The following PARD3B variants were observed in gnomAD, a reference collection of about 807,000 sequenced individuals.
PARD3B encodes par-3 family cell polarity regulator beta, also known as partitioning defective 3 homolog B.
PARD3B carries 103 observed loss-of-function variants against 130.2 expected under a neutral mutation model. The observed-to-expected ratio is 0.79, with a 90% confidence interval of 0.67 to 0.93. The LOEUF (loss-of-function observed/expected upper bound fraction) is 0.93. PARD3B is among the 40% of genes least tolerant of loss of function. The pLI, the probability that PARD3B is intolerant of heterozygous loss-of-function variation, is 0.00. For synonymous variants in PARD3B, 583 were observed against 553.2 expected (o/e 1.05, Z -0.76); for missense variants, 1,609 against 1,499.2 (o/e 1.07, Z -1.21).
intron 3 of PARD3B, among the ~76,000 whole-genome samples, chr2:205,031,210 T>C (rs1181189127): frequency 6.6e-6 from 1 of 152,184 alleles, no homozygotes; most frequent in African/African-American, 2.4e-5. Context: ...CTATTTCATT[T>C]TGAGACCCAC....
rs12465863 is a variant in PARD3B at position 205,142,848 on chromosome 2, A to G, written c.1435-15874A>G. Among the ~76,000 whole-genome samples, 44,829 of 151,924 alleles carry G rather than the reference A, an allele frequency of 0.3. 7,671 individuals carry two copies. Among genetic ancestry groups the G allele is most frequent in the Admixed American group, 0.46 (6,989 of 15,258 alleles). ...AGCCGAGATCACGCCATTGCACTCC[A>G]GCCTGGGTGACAGGATGAGACTTCG... On this transcript the variant is annotated intron_variant, in intron 10 of 22. Transcript: ENST00000406610. This position sits in a 1 kb window ranked among gnomAD's most constrained non-coding sequence, Gnocchi z 4.3.
At chr2:204,990,705 T>G (rs983938702) in intron 3 of PARD3B, among the ~76,000 whole-genome samples, 6 of 152,156 alleles carry the variant, frequency 3.9e-5, no homozygotes, top group Non-Finnish European at 8.8e-5. Context: ...TCCTGTATGT[T>G]TTTTGATGAC....
At chr2:204,909,575 G>T (rs186872404) in intron 2 of PARD3B, among the ~76,000 whole-genome samples, 10 of 152,226 alleles carry the variant, frequency 6.6e-5, no homozygotes, top group Admixed American at 2.0e-4. Flanking sequence ...TCTTAGCTCT[G>T]TGAACCTAAA....
At chr2:204,662,966 C>G (rs2035878861) in intron 1 of PARD3B, among the ~76,000 whole-genome samples, 1 of 152,160 alleles carries the variant, frequency 6.6e-6, no homozygotes, top group Admixed American at 6.5e-5. Context: ...TTTGCATTAT[C>G]AGATTTACTC....
At chr2:204,809,106 A>T (rs918326722) in intron 2 of PARD3B, among the ~76,000 whole-genome samples, 10 of 150,412 alleles carry the variant, frequency 6.6e-5, no homozygotes, top group African/African-American at 2.2e-4. Context: ...TCCTTTGCCC[A>T]CTTTTAATGG....
intron 19 of PARD3B, among the ~76,000 whole-genome samples, chr2:205,428,629 A>G (rs920946999): frequency 6.6e-6 from 1 of 152,154 alleles, no homozygotes; most frequent in Non-Finnish European, 1.5e-5. Context: ...TAATATTGAT[A>G]TTATCATTTT....
chr2:205,071,671 A>T lies in PARD3B; in HGVS notation c.504+23981A>T, dbSNP rs1409172305. Among the ~76,000 whole-genome samples, 3 of 152,238 alleles carry T rather than the reference A, an allele frequency of 2.0e-5. No individual in the cohort carries two copies. The South Asian group carries it at 6.2e-4, about 32-fold the overall frequency. ...CAAAAGATGTACCATCAAAGCATTA[A>T]CATGTAAAGTCATTTGAAATAAGAA... is the stretch of plus-strand genomic sequence containing the variant. On this transcript the variant is annotated intron_variant, in intron 4 of 22. Coordinates refer to ENST00000406610, the MANE Select transcript of PARD3B (RefSeq NM_001302769.2).
At position 205,550,955 on chromosome 2, in the gene PARD3B, G is replaced by GTGTGTGTATATATATATA. The variant is rs796567936; in HGVS notation, c.3181-2368_3181-2367insGTGTGTATATATATATAT. ...TGTGTGTGTGTGTATATATATATGT[G>GTGTGTGTATATATATATA]TATATATATATATATATATATACAC... is the stretch of plus-strand genomic sequence containing the variant. On this transcript the variant is annotated intron_variant, in intron 21 of 22. Transcript: ENST00000406610. The surrounding 1 kb of genome is among the most constrained non-coding windows in gnomAD (Gnocchi z 4.5). 1.4e-3 allele frequency among the ~76,000 whole-genome samples: 131 copies of GTGTGTGTATATATATATA among 94,076 alleles called. No homozygotes were observed. The highest frequency in any genetic ancestry group is 3.4e-3 in the African/African-American group (88 of 26,130). 61.7% of individuals were successfully genotyped at this position (94,076 alleles called of 152,430 possible).
At chr2:204,915,107 T>C (rs1559254796) in intron 2 of PARD3B, among the ~76,000 whole-genome samples, 1 of 152,144 alleles carries the variant, frequency 6.6e-6, no homozygotes, top group Non-Finnish European at 1.5e-5. Flanking sequence ...TCTAAGAGGA[T>C]GGTCTGGGGA....
At chr2:204,793,390 C>T (rs761035530) in intron 2 of PARD3B, among the ~76,000 whole-genome samples, 7 of 152,086 alleles carry the variant, frequency 4.6e-5, no homozygotes, top group East Asian at 1.9e-4. Flanking sequence ...GTTTTTCAGT[C>T]GTAATATAAA....
At chr2:204,984,527 A>G (rs989724312) in intron 3 of PARD3B, among the ~76,000 whole-genome samples, 10 of 152,282 alleles carry the variant, frequency 6.6e-5, no homozygotes, top group Non-Finnish European at 1.3e-4. Context: ...TATGAATAAC[A>G]TTAATATTAA....
chr2:205,517,848 G>C (rs1393802373), intron 21 of PARD3B, among the ~76,000 whole-genome samples: 1 of 152,148 alleles, frequency 6.6e-6, no homozygotes, highest in East Asian at 1.9e-4. Context: ...TTGCCAAGAA[G>C]TCACTCAGGA....
At chr2:204,625,816 T>C (rs954805888) in intron 1 of PARD3B, among the ~76,000 whole-genome samples, 2 of 152,168 alleles carry the variant, frequency 1.3e-5, no homozygotes, top group Admixed American at 6.5e-5. Flanking sequence ...ATTCCTTCCT[T>C]TTTGGAAGAA....
intron 15 of PARD3B, among the ~76,000 whole-genome samples, chr2:205,223,113 CAT>C (rs1310502475): frequency 6.6e-6 from 1 of 151,974 alleles, no homozygotes; most frequent in East Asian, 1.9e-4. Context: ...AGCATCTAAA[CAT>C]GTGAGATCAG....
intron 2 of PARD3B, among the ~76,000 whole-genome samples, chr2:204,927,440 C>A (rs1273674281): frequency 6.6e-6 from 1 of 152,128 alleles, no homozygotes; most frequent in African/African-American, 2.4e-5. Flanking sequence ...CTGCTGGCAC[C>A]TTTATCTCAG....
chr2:205,515,277 C>G (rs1324331797), intron 21 of PARD3B, among the ~76,000 whole-genome samples: 3 of 152,132 alleles, frequency 2.0e-5, no homozygotes, highest in Non-Finnish European at 4.4e-5. Flanking sequence ...CATGTCTTTA[C>G]TATTGTGAAT....
intron 2 of PARD3B, among the ~76,000 whole-genome samples, chr2:204,918,644 A>AG (rs2047545091): frequency 6.8e-6 from 1 of 146,174 alleles, no homozygotes; most frequent in African/African-American, 2.5e-5. Context: ...AAAAAAAAAA[A>AG]AAAGAAAATG....
At chr2:205,532,799 T>A (rs887929941) in intron 21 of PARD3B, among the ~76,000 whole-genome samples, 2 of 152,140 alleles carry the variant, frequency 1.3e-5, no homozygotes, top group Admixed American at 1.3e-4. Flanking sequence ...CTTTAAAAAG[T>A]GTGATAGACC....
At chr2:205,010,610 A>G (rs931034783) in intron 3 of PARD3B, among the ~76,000 whole-genome samples, 3 of 152,224 alleles carry the variant, frequency 2.0e-5, no homozygotes, top group South Asian at 2.1e-4. Context: ...GGCTGCATAT[A>G]TAATTCTAGG....
Sources: gnomAD v4.1 joint callset for allele counts (sites outside exome capture counted in the v4.1 genomes callset) on GRCh38, gnomAD v4.1.1 for gene constraint, Gnocchi (gnomAD v3.1) non-coding constraint, MANE v1.5 for transcripts, NCBI Gene and HGNC (gene_info 2026-07-23, HGNC 2026-07-21) for gene names.